Variants in ARHGEF18 observed in about 807,000 individuals in gnomAD.
ARHGEF18 encodes the protein rho guanine nucleotide exchange factor 18.
ARHGEF18 carries 93 observed loss-of-function variants against 155.7 expected under a neutral mutation model. The ratio of observed to expected loss-of-function variants is 0.60; its 90% confidence interval spans 0.50 to 0.71. The LOEUF (loss-of-function observed/expected upper bound fraction) is 0.71, where lower values mean the gene tolerates loss of function less well. Among genes scored for constraint, ARHGEF18 ranks in the 30% least tolerant of loss-of-function variants. ARHGEF18 has a pLI of 0.00. For missense variants in ARHGEF18, 1,593 were observed against 1,816.1 expected, an observed-to-expected ratio of 0.88 and a Z score of 2.23; for synonymous variants, 742 against 753.1, an observed-to-expected ratio of 0.99 and a Z score of 0.24.
downstream of ARHGEF18, chr19:7,473,010 C>G (rs937574073): frequency 4.4e-6 from 2 of 456,082 alleles, no homozygotes; most frequent in African/African-American, 4.0e-5. Flanking sequence ...GTGGAGGTGC[C>G]TGTGGAGGGT....
Position 7,440,500 on chromosome 19 carries a change from C to G in ARHGEF18, c.1106+18C>G, listed in dbSNP as rs779391912. 6.3e-7 allele frequency: 1 copy of G among 1,584,568 alleles called. No homozygotes were observed. On this transcript the variant is annotated intron_variant, in intron 11 of 28. Coordinates refer to ENST00000668164, the MANE Select transcript of ARHGEF18 (RefSeq NM_001367823.1). This position sits in a 1 kb window ranked among gnomAD's most constrained non-coding sequence, Gnocchi z 5.4. ...CAACTCGGGTAAGCCAGGGTCCCCT[C>G]TGTGCCCTCGGGTGGGTGGTGGCAT...
intron 17 of ARHGEF18, among the ~76,000 whole-genome samples, chr19:7,455,287 G>C (rs1368030704): frequency 6.6e-6 from 1 of 152,216 alleles, no homozygotes. Flanking sequence ...GGCTGAAAGA[G>C]AGAAACAAGC....
intron 10 of ARHGEF18, among the ~76,000 whole-genome samples, chr19:7,388,328 A>C (rs1370481563): frequency 1.3e-5 from 2 of 151,878 alleles, no homozygotes; most frequent in African/African-American, 4.8e-5. Flanking sequence ...TCCTGGCCTC[A>C]GGTGATCCTC....
At chr19:7,431,345 C>T (rs1029801010) in intron 10 of ARHGEF18, among the ~76,000 whole-genome samples, 1 of 151,590 alleles carries the variant, frequency 6.6e-6, no homozygotes. Flanking sequence ...GGTAAAACCC[C>T]GTCTCTACTA....
At chr19:7,459,217 G>A (rs2145871208) in intron 19 of ARHGEF18, among the ~76,000 whole-genome samples, 1 of 151,096 alleles carries the variant, frequency 6.6e-6, no homozygotes, top group South Asian at 2.1e-4. Flanking sequence ...AGCCTATTTT[G>A]TTTTGTTTTG....
rs369506925 is a variant in ARHGEF18 at position 7,466,829 on chromosome 19, TAAAA to T, written c.2905-83_2905-80del. The T allele has an allele frequency of 2.4e-5, 22 of 900,856 alleles. 1 individual carries two copies. Among genetic ancestry groups the T allele is most frequent in the Middle Eastern group, 2.9e-4 (1 of 3,408 alleles). 55.8% of individuals were successfully genotyped at this position (900,856 alleles called of 1,614,324 possible). A position where few individuals can be genotyped will look rare whatever the true frequency, so the allele number is the denominator to read the frequency against. On this transcript the variant is annotated intron_variant, in intron 23 of 28. Coordinates refer to ENST00000668164, the MANE Select transcript of ARHGEF18 (RefSeq NM_001367823.1). ...CAAAAAAAAAAAAAAAAAAAAAAGT[TAAAA>T]AAAAAGAAGAAGAAGAAGAAGGCTT...
At chr19:7,396,984 C>T (rs760608751) in intron 10 of ARHGEF18, among the ~76,000 whole-genome samples, 1 of 150,426 alleles carries the variant, frequency 6.6e-6, no homozygotes, top group East Asian at 1.9e-4. Flanking sequence ...GGTTAACATT[C>T]CAAATTATAA....
chr19:7,393,954 C>T (rs1055796161), intron 10 of ARHGEF18, among the ~76,000 whole-genome samples: 1 of 151,108 alleles, frequency 6.6e-6, no homozygotes, highest in Admixed American at 6.6e-5. Flanking sequence ...GTGTCTGAGA[C>T]CACTGGAGAG....
chr19:7,385,907 CCTCTCTCCCTCTCTCTCTCT>C lies in ARHGEF18; in HGVS notation c.967+2712_967+2731del, dbSNP rs1600252334. Among the ~76,000 whole-genome samples, 4 of 33,678 alleles carry C rather than the reference CCTCTCTCCCTCTCTCTCTCT, an allele frequency of 1.2e-4. No individual in the cohort carries two copies. In the East Asian group the frequency reaches 4.0e-3, roughly 34 times the overall value. The allele number at this position is 33,678 out of a possible 152,430, so 22.1% of individuals were successfully genotyped here. A position where few individuals can be genotyped will look rare whatever the true frequency, so the allele number is the denominator to read the frequency against. On this transcript the variant is annotated intron_variant, in intron 10 of 28. Transcript: ENST00000668164. ...CTCTCCCTCCCTCCCTCTCTCTCTCCCTCTCTCCCTCTCTCTCTCTCTCTCTCTCCCCCTCTCCCTCTCTC... is the reference window on the plus strand; with the variant it reads ...CTCTCCCTCCCTCCCTCTCTCTCTCCCTCTCTCTCCCCCTCTCCCTCTCTC...
rs756648609 is a variant in ARHGEF18 at position 7,375,283 on chromosome 19, AAG to A, written c.276-435_276-434del. ...TGAGACTCTGTCTCAAAAAAAAAAA[AAG>A]AAAGAAAAGAAAGAAAGAAAAGAAA... On this transcript the variant is annotated intron_variant, in intron 3 of 28. Transcript: ENST00000668164. 8.3e-3 allele frequency among the ~76,000 whole-genome samples: 1,154 copies of A among 139,284 alleles called. 49 individuals are homozygous for A. Among genetic ancestry groups the A allele is most frequent in the African/African-American group, 0.027 (1,034 of 38,968 alleles). The allele number at this position is 139,284 out of a possible 152,430, so 91.4% of individuals were successfully genotyped here. A position where few individuals can be genotyped will look rare whatever the true frequency, so the allele number is the denominator to read the frequency against.
intron 10 of ARHGEF18, among the ~76,000 whole-genome samples, chr19:7,383,542 A>T (rs560757237): frequency 1.3e-5 from 2 of 152,134 alleles, no homozygotes; most frequent in South Asian, 4.2e-4. Flanking sequence ...ATTCCCTTGC[A>T]CTTCTGGGGG....
rs367812838 is a variant in ARHGEF18 at position 7,441,698 on chromosome 19, A to G, written c.1152A>G (p.Lys384=). The G allele has an allele frequency of 4.8e-5, 78 of 1,614,108 alleles. No homozygotes were observed. Among genetic ancestry groups the G allele is most frequent in the Non-Finnish European group, 5.6e-5 (66 of 1,180,048 alleles). The stretch of plus-strand genomic sequence containing the variant: ...ATGAAGCCGATTCTGCGTTTTTAAA[A>G]TTTAAGCAGACAGCTGATGACTCTC... ...EMDEADSAFL[K]FKQTADDSLS... The change falls in exon 12 of 29, where the codon AAA becomes AAG. Residue 384 remains lysine, a synonymous_variant. Coordinates refer to ENST00000668164, the MANE Select transcript of ARHGEF18 (RefSeq NM_001367823.1).
At chr19:7,377,590 C>G (rs904611721) in intron 5 of ARHGEF18, among the ~76,000 whole-genome samples, 2 of 151,722 alleles carry the variant, frequency 1.3e-5, no homozygotes, top group African/African-American at 4.8e-5. Context: ...TTGAGGCCAG[C>G]CTGGGCAACA....
chr19:7,375,649 C>A (rs528557745), intron 3 of ARHGEF18, 71 bp from the exon 4 acceptor site: 3 of 1,229,082 alleles, frequency 2.4e-6, no homozygotes, highest in Non-Finnish European at 3.0e-6. Context: ...TTCAAGCCCC[C>A]CTGGATGCCT....
In ARHGEF18 at chr19:7,440,069, C is replaced by T. The variant is rs1006124058; in HGVS notation, c.968-275C>T. 1 of 1,550,490 alleles carries T rather than the reference C, an allele frequency of 6.4e-7. No homozygotes were observed. The highest frequency in any genetic ancestry group is 2.4e-5 in the East Asian group (1 of 40,888). ...ATAAAAACGGCGCAGCCCAGCCTGG[C>T]GCCGCGCCGGGTCCCGGAGCCCCGG... is the stretch of plus-strand genomic sequence containing the variant. On this transcript the variant is annotated intron_variant, in intron 10 of 28. Transcript: ENST00000668164. The surrounding 1 kb of genome is among the most constrained non-coding windows in gnomAD (Gnocchi z 5.4).
chr19:7,373,413 G>A (rs1970286069), intron 3 of ARHGEF18, among the ~76,000 whole-genome samples: 1 of 152,002 alleles, frequency 6.6e-6, no homozygotes, highest in Admixed American at 6.6e-5. Flanking sequence ...TGGGGGTGAT[G>A]GGAGACAGTG....
chr19:7,428,632 A>G (rs1973786409), intron 10 of ARHGEF18, among the ~76,000 whole-genome samples: 1 of 151,894 alleles, frequency 6.6e-6, no homozygotes, highest in African/African-American at 2.4e-5. Context: ...ACTTGAGCCC[A>G]GGAGTGGGAG....
At chr19:7,365,558 G>A (rs1969850609) in intron 2 of ARHGEF18, among the ~76,000 whole-genome samples, 1 of 152,196 alleles carries the variant, frequency 6.6e-6, no homozygotes, top group African/African-American at 2.4e-5. Flanking sequence ...GAGAACCATG[G>A]GATGCAGGCA....
At chr19:7,416,335 G>T (rs1166664001) in intron 10 of ARHGEF18, among the ~76,000 whole-genome samples, 1 of 152,084 alleles carries the variant, frequency 6.6e-6, no homozygotes, top group African/African-American at 2.4e-5. Flanking sequence ...GATTCCTTGA[G>T]CCCAGGAGTT....
Sources: allele counts gnomAD v4.1 joint callset (sites outside exome capture counted in the v4.1 genomes callset), GRCh38; gene constraint gnomAD v4.1.1; non-coding constraint Gnocchi (gnomAD v3.1); transcripts MANE v1.5; gene names NCBI Gene and HGNC (gene_info 2026-07-23, HGNC 2026-07-21).